BCOR: variants seen among roughly 807,000 people sequenced by gnomAD.
BCOR encodes BCL-6 corepressor.
BCOR carries 10 observed loss-of-function variants against 86.7 expected under a neutral mutation model. That is an observed-to-expected ratio of 0.12 (90% CI 0.07 to 0.20). The LOEUF (loss-of-function observed/expected upper bound fraction) is 0.20, where lower values mean the gene tolerates loss of function less well. Among genes scored for constraint, BCOR ranks in the 10% least tolerant of loss-of-function variants. BCOR has a pLI of 1.00. For missense variants in BCOR, 1,259 were observed against 1,452.1 expected (o/e 0.87, Z 2.16); for synonymous variants, 611 against 609.0 (o/e 1.00, Z -0.05).
At chrX:40,087,640 G>A (rs1444374181) in intron 1 of BCOR, among the ~76,000 whole-genome samples, 1 of 111,047 alleles carries the variant, frequency 9.0e-6, no homozygotes, top group Admixed American at 9.5e-5. Flanking sequence ...TCTTCCTTGT[G>A]GCCAGTAGAA....
intron 1 of BCOR, among the ~76,000 whole-genome samples, chrX:40,176,823 C>A (rs1176034595): frequency 2.7e-5 from 3 of 111,298 alleles, no homozygotes; most frequent in Non-Finnish European, 5.7e-5. Context: ...CCGCCAGCTG[C>A]GCCGCCACCG....
Position 40,097,532 on chromosome X carries a change from G to T in BCOR, c.-358C>A, listed in dbSNP as rs1289474386. 1 of 108,775 alleles carries T rather than the reference G, an allele frequency of 9.2e-6. No individual in the cohort carries two copies. The highest frequency in any genetic ancestry group is 3.3e-5 in the African/African-American group (1 of 30,107). The allele number at this position is 108,775 out of a possible 1,213,427, so 9.0% of individuals were successfully genotyped here. Reference sequence around the variant, plus strand: ...CGCCGAGGGGTGGGCTCTGGGCCGGGTGGGGGCGGGGCGGGGCGGGCTCGG... The same window carrying T: ...CGCCGAGGGGTGGGCTCTGGGCCGGTTGGGGGCGGGGCGGGGCGGGCTCGG... On this transcript the variant is annotated 5_prime_UTR_variant, in exon 1 of 15. Transcript: ENST00000378444.
chrX:40,138,180 G>C (rs1391361366), intron 1 of BCOR, among the ~76,000 whole-genome samples: 1 of 111,695 alleles, frequency 9.0e-6, no homozygotes, highest in African/African-American at 3.3e-5. Context: ...TCGAACTCCC[G>C]ACCTCAGGTG....
Position 40,057,105 on chromosome X carries a change from G to A in BCOR, c.4595+50C>T, listed in dbSNP as rs200240104. The A allele has an allele frequency of 1.8e-4, 216 of 1,185,380 alleles. No individual in the cohort carries two copies. The Admixed American group carries it at 4.7e-3, about 26-fold the overall frequency. On this transcript the variant is annotated intron_variant, in intron 11 of 14. Coordinates refer to ENST00000378444, the MANE Select transcript of BCOR (RefSeq NM_001123385.2). The stretch of plus-strand genomic sequence containing the variant: ...CTGAGAACCACCACCGCACAGATAG[G>A]GAAGCTTGGTCTCAGCAGAGCCAGG...
At chrX:40,123,825 G>A (rs1278270510) in intron 1 of BCOR, among the ~76,000 whole-genome samples, 4 of 109,485 alleles carry the variant, frequency 3.7e-5, no homozygotes, top group African/African-American at 1.3e-4. Context: ...GTGTGTGCAC[G>A]CGCGCACGCA....
At position 40,142,340 on chromosome X, in the gene BCOR, A is replaced by G. The variant is rs372120773; in HGVS notation, c.-41+34667T>C. Among the ~76,000 whole-genome samples, 120 of 112,395 alleles carry G rather than the reference A, an allele frequency of 1.1e-3. 13 individuals are homozygous for G. The highest frequency in any genetic ancestry group is 7.3e-3 in the East Asian group (26 of 3,571). ...CCTCCACTGGGTTAAACAGAGCTCA[A>G]TTAAAGCCCTGGTGGCTCTTGTATG... On this transcript the variant is annotated intron_variant, in intron 1 of 14. Coordinates refer to the BCOR transcript ENST00000342274.
chrX:40,117,103 A>G (rs938633558), intron 1 of BCOR, among the ~76,000 whole-genome samples: 1 of 112,371 alleles, frequency 8.9e-6, no homozygotes, highest in Non-Finnish European at 1.9e-5. Context: ...TCTGCTCTAG[A>G]TCTGACACCG....
At chrX:40,119,277 G>T (rs1408117728) in intron 1 of BCOR, among the ~76,000 whole-genome samples, 1 of 106,499 alleles carries the variant, frequency 9.4e-6, no homozygotes, top group Non-Finnish European at 1.9e-5. Context: ...TGGTGCCGGT[G>T]GGGGGTGGAC....
At chrX:40,109,002 G>A (rs992638651) in intron 1 of BCOR, among the ~76,000 whole-genome samples, 1 of 113,181 alleles carries the variant, frequency 8.8e-6, no homozygotes, top group Non-Finnish European at 1.9e-5. Context: ...GCCTCGACCC[G>A]CTTCCCACAC....
chrX:40,131,029 C>T (rs189979289), intron 1 of BCOR, among the ~76,000 whole-genome samples: 115 of 111,720 alleles, frequency 1.0e-3, no homozygotes, highest in Middle Eastern at 4.6e-3. Flanking sequence ...GAGAAGGGGC[C>T]CACTCATGAC....
intron 1 of BCOR, among the ~76,000 whole-genome samples, chrX:40,167,796 A>T (rs1938534123): frequency 8.9e-6 from 1 of 112,710 alleles, no homozygotes; most frequent in East Asian, 2.8e-4. Flanking sequence ...CCTCCTCGCA[A>T]CCCATAATTA....
chrX:40,148,960 GCA>G (rs773240865), intron 1 of BCOR, among the ~76,000 whole-genome samples: 5 of 111,310 alleles, frequency 4.5e-5, no homozygotes, highest in Non-Finnish European at 7.5e-5. Context: ...GGACAGGAAT[GCA>G]CAGTCCAGTT....
chrX:40,065,930 G>A (rs1250769666), intron 6 of BCOR, among the ~76,000 whole-genome samples: 2 of 111,305 alleles, frequency 1.8e-5, no homozygotes, highest in South Asian at 3.9e-4. Flanking sequence ...CATTGCCAGC[G>A]GTTCACGGCA....
Position 40,062,965 on chromosome X carries a change from A to G in BCOR, c.3954T>C (p.Pro1318=). 1 of 1,190,737 alleles carries G rather than the reference A, an allele frequency of 8.4e-7. No individual in the cohort carries two copies. Among genetic ancestry groups the G allele is most frequent in the Non-Finnish European group, 1.1e-6 (1 of 884,149 alleles). ...TTTCTTTAATTTTCTGCTGTTTGGC[A>G]GGCGGCCTGGAGGCTGGTGCGCAGC... The part of the protein sequence containing the change: ...QPSCAPASRP[P]AKQQKIKENQ... The change falls in exon 9 of 15, where the codon CCT becomes CCC. Residue 1318 remains proline (P), a synonymous_variant. Coordinates refer to ENST00000378444, the MANE Select transcript of BCOR (RefSeq NM_001123385.2).
At chrX:40,121,325 C>T (rs1026846644) in intron 1 of BCOR, among the ~76,000 whole-genome samples, 1 of 111,704 alleles carries the variant, frequency 9.0e-6, no homozygotes, top group African/African-American at 3.3e-5. Flanking sequence ...TCATTCACAA[C>T]TCTGTTCAAA....
chrX:40,101,038 T>C (rs1937063567), upstream of BCOR, among the ~76,000 whole-genome samples: 1 of 108,205 alleles, frequency 9.2e-6, no homozygotes, highest in African/African-American at 3.4e-5. Flanking sequence ...CGTGACTCAC[T>C]GGGAATTAAA....
At chrX:40,109,241 C>A (rs997591394) in intron 1 of BCOR, among the ~76,000 whole-genome samples, 2 of 112,472 alleles carry the variant, frequency 1.8e-5, no homozygotes, top group African/African-American at 6.4e-5. Context: ...CTCAGCCGGG[C>A]TCCCCGGTCC....
chrX:40,089,129 G>A (rs1444883226), intron 1 of BCOR, among the ~76,000 whole-genome samples: 1 of 111,808 alleles, frequency 8.9e-6, no homozygotes, highest in Non-Finnish European at 1.9e-5. Context: ...AGGGGCAGCA[G>A]GGAATGGAGG....
chrX:40,094,666 G>C (rs1002990703), intron 1 of BCOR, among the ~76,000 whole-genome samples: 10 of 113,338 alleles, frequency 8.8e-5, no homozygotes, highest in African/African-American at 2.9e-4. Context: ...GCGAGTTAAA[G>C]ACACAGTGGA....
Sources: gnomAD v4.1 joint callset for allele counts (sites outside exome capture counted in the v4.1 genomes callset) on GRCh38, gnomAD v4.1.1 for gene constraint, MANE v1.5 for transcripts, NCBI Gene and HGNC (gene_info 2026-07-23, HGNC 2026-07-21) for gene names.